The following ADH1C variants were observed in gnomAD, a reference collection of about 807,000 sequenced individuals.
ADH1C encodes the protein alcohol dehydrogenase 1C (class I), gamma polypeptide, also known as alcohol dehydrogenase 1C.
ADH1C carries 26 observed loss-of-function variants against 35.0 expected under a neutral mutation model. The observed-to-expected ratio is 0.74, with a 90% confidence interval of 0.54 to 1.03. ADH1C has a LOEUF of 1.03. ADH1C is among the 50% of genes least tolerant of loss of function. ADH1C has a pLI of 0.00. For synonymous variants in ADH1C, 170 were observed against 169.3 expected, an observed-to-expected ratio of 1.00 and a Z score of -0.03; for missense variants, 413 against 465.4, an observed-to-expected ratio of 0.89 and a Z score of 1.04.
intron 8 of ADH1C, 38 bp downstream of exon 8, chr4:99,339,539 G>C: frequency 2.5e-6 from 3 of 1,181,132 alleles, no homozygotes; most frequent in Non-Finnish European, 2.3e-6. Flanking sequence ...CGCTACTGTA[G>C]AATACAAAGC....
At chr4:99,344,493 C>A (rs1037734877) in intron 5 of ADH1C, among the ~76,000 whole-genome samples, 1 of 152,176 alleles carries the variant, frequency 6.6e-6, no homozygotes, top group African/African-American at 2.4e-5. Context: ...CGCTTCATTT[C>A]ATTTACTTTT....
chr4:99,339,375 A>G (rs1269025208), intron 8 of ADH1C, among the ~76,000 whole-genome samples: 2 of 152,182 alleles, frequency 1.3e-5, no homozygotes, highest in Non-Finnish European at 2.9e-5. Context: ...GCAGAATAGG[A>G]AATGCAAAGC....
rs1734371767 is a variant in ADH1C at position 99,339,794 on chromosome 4, A to G, written c.965-79T>C. 2.1e-6 allele frequency: 3 copies of G among 1,421,528 alleles called. No homozygotes were observed. In the Admixed American group the frequency reaches 6.6e-5, roughly 31 times the overall value. 88.1% of individuals were successfully genotyped at this position (1,421,528 alleles called of 1,614,324 possible). Reference sequence around the variant, plus strand: ...GAAGAGAAGATTTTCCAAATAAATGAAAGTTTAGAAAAAGTGCTGCATTCC... The same window carrying G: ...GAAGAGAAGATTTTCCAAATAAATGGAAGTTTAGAAAAAGTGCTGCATTCC... On this transcript the variant is annotated intron_variant, in intron 7 of 8. Transcript: ENST00000515683.
intron 6 of ADH1C, 67 bp downstream of exon 6, chr4:99,342,728 T>G: frequency 1.2e-6 from 2 of 1,603,378 alleles, no homozygotes; most frequent in South Asian, 2.2e-5. Context: ...AATACGTATA[T>G]TCTACTGCCT....
chr4:99,345,333 G>T, intron 3 of ADH1C, 67 bp from the exon 4 acceptor site: 14 of 1,419,898 alleles, frequency 9.9e-6, no homozygotes, highest in Admixed American at 3.9e-5. Flanking sequence ...AAAACTTAAC[G>T]CTCACATGTA....
chr4:99,342,987 A>G lies in ADH1C; in HGVS notation c.636T>C (p.Cys212=). ...TGATTCTGGCTGCTCCAGCTGCTTT[A>G]CAGCCCATAACAACAGATAGGCCGA... ...GGVGLSVVMG[C]KAAGAARIIA... Residue 212 remains cysteine (C), a synonymous_variant, in exon 6 of 9, where the codon TGT becomes TGC. Coordinates refer to ENST00000515683, the MANE Select transcript of ADH1C (RefSeq NM_000669.5). 1 of 1,614,216 alleles carries G rather than the reference A, an allele frequency of 6.2e-7. No individual in the cohort carries two copies. The highest frequency in any genetic ancestry group is 8.5e-7 in the Non-Finnish European group (1 of 1,180,042).
At chr4:99,344,329 T>G (rs1435878878) in intron 5 of ADH1C, among the ~76,000 whole-genome samples, 1 of 152,206 alleles carries the variant, frequency 6.6e-6, no homozygotes, top group African/African-American at 2.4e-5. Context: ...ATGAGTGAAT[T>G]ATGCATCACT....
At chr4:99,342,257 T>C (rs1662057) in intron 6 of ADH1C, among the ~76,000 whole-genome samples, 47,225 of 151,798 alleles carry the variant, frequency 0.31, 8,729 homozygotes, top group Non-Finnish European at 0.41. Flanking sequence ...TCAGGCACTG[T>C]CCAGTTGCTG....
chr4:99,344,853 C>A lies in ADH1C; in HGVS notation c.567+9G>T, dbSNP rs1160739592. On this transcript the variant is annotated intron_variant, in intron 5 of 8. Transcript: ENST00000515683. ...TGTAACCGGTTTTATCATCCATTGT[C>A]ATTTCTACCTTGGCAACTTTGACTG... 5 of 1,614,014 alleles carry A rather than the reference C, an allele frequency of 3.1e-6. No homozygotes were observed. In the African/African-American group the frequency reaches 5.3e-5, roughly 17 times the overall value.
At chr4:99,345,158 A>G (rs111652942) in intron 4 of ADH1C, 21 bp downstream of exon 4, 1 of 1,613,784 alleles carries the variant, frequency 6.2e-7, no homozygotes. Flanking sequence ...AGTCTGTGCA[A>G]AGAAAGCATC....
intron 1 of ADH1C, chr4:99,351,083 A>G (rs1435583315): frequency 1.3e-5 from 2 of 152,268 alleles, no homozygotes; most frequent in Non-Finnish European, 2.9e-5. Context: ...GGTTGCAGTG[A>G]GCCGAGATCA....
intron 1 of ADH1C, among the ~76,000 whole-genome samples, chr4:99,350,798 C>T (rs1413709909): frequency 6.6e-6 from 1 of 152,176 alleles, no homozygotes; most frequent in Non-Finnish European, 1.5e-5. Context: ...TCAACTGACT[C>T]AGTGATTGAA....
intron 1 of ADH1C, among the ~76,000 whole-genome samples, chr4:99,349,805 C>CTGTGTGTG (rs70956001): frequency 2.4e-5 from 2 of 84,382 alleles, no homozygotes; most frequent in African/African-American, 6.5e-5. Context: ...ATGTGTGTTT[C>CTGTGTGTG]TGTGTGTGTG....
At chr4:99,351,698 G>A (rs1278039398) in intron 1 of ADH1C, among the ~76,000 whole-genome samples, 5 of 152,124 alleles carry the variant, frequency 3.3e-5, no homozygotes, top group East Asian at 1.9e-4. Context: ...CTGTTTTGTC[G>A]CACAGCATAA....
intron 6 of ADH1C, among the ~76,000 whole-genome samples, chr4:99,342,398 C>T (rs1424554665): frequency 2.0e-5 from 3 of 151,874 alleles, no homozygotes; most frequent in Admixed American, 6.6e-5. Context: ...GTTTGGAATT[C>T]GTTAAGAGCA....
At chr4:99,341,630 CCT>C (rs1163961930) in intron 6 of ADH1C, among the ~76,000 whole-genome samples, 4 of 152,194 alleles carry the variant, frequency 2.6e-5, no homozygotes, top group Non-Finnish European at 5.9e-5. Context: ...GGTGCTGCTC[CCT>C]GTTACCCACA....
Position 99,347,725 on chromosome 4 carries a change from A to T in ADH1C, c.120+20T>A. 1 of 1,583,362 alleles carries T rather than the reference A, an allele frequency of 6.3e-7. No homozygotes were observed. The highest frequency in any genetic ancestry group is 8.6e-7 in the Non-Finnish European group (1 of 1,164,792). On this transcript the variant is annotated intron_variant, in intron 2 of 8. Coordinates refer to ENST00000515683, the MANE Select transcript of ADH1C (RefSeq NM_000669.5). ...ATTCTTTAAACTTAAAATTAAATACAAATGGAAAAAGTATTTCACCTTAAT... is the reference window on the plus strand; with the variant it reads ...ATTCTTTAAACTTAAAATTAAATACTAATGGAAAAAGTATTTCACCTTAAT...
At chr4:99,337,239 T>A (rs1378459820) in intron 8 of ADH1C, among the ~76,000 whole-genome samples, 2 of 152,106 alleles carry the variant, frequency 1.3e-5, no homozygotes, top group Non-Finnish European at 2.9e-5. Context: ...AAACTGAGAC[T>A]TAGAAAGATT....
Position 99,342,881 on chromosome 4 carries a change from T to C in ADH1C, c.742A>G (p.Lys248Glu), listed in dbSNP as rs1289542968. 2 of 1,613,930 alleles carry C rather than the reference T, an allele frequency of 1.2e-6. No homozygotes were observed. The highest frequency in any genetic ancestry group is 1.7e-6 in the Non-Finnish European group (2 of 1,179,966). Reference protein sequence around the residue: ...ATECINPQDYKKPIQEVLKEM... With the variant: ...ATECINPQDYEKPIQEVLKEM... ...TTTAGCACTTCCTGAATGGGTTTCT[T>C]GTAGTCTTGAGGGTTGATGCATTCA... Residue 248 changes from lysine (K) to glutamate (E), a missense_variant, in exon 6 of 9, where the codon AAG becomes GAG. Lys to Glu is a moderately conservative substitution (Grantham distance 56, BLOSUM62 1). Transcript: ENST00000515683.
Sources: allele counts gnomAD v4.1 joint callset (sites outside exome capture counted in the v4.1 genomes callset), GRCh38; gene constraint gnomAD v4.1.1; transcripts MANE v1.5; gene names NCBI Gene and HGNC (gene_info 2026-07-23, HGNC 2026-07-21).